The following TSC1 variants were observed in gnomAD, a reference collection of about 807,000 sequenced individuals.
TSC1 encodes hamartin.
TSC1 carries 20 observed loss-of-function variants against 124.3 expected under a neutral mutation model. The ratio of observed to expected loss-of-function variants is 0.16; its 90% confidence interval spans 0.11 to 0.23. The LOEUF is 0.23. Ranked by LOEUF, TSC1 falls within the 10% of genes least tolerant of loss-of-function variation. The pLI, the probability that TSC1 is intolerant of heterozygous loss-of-function variation, is 1.00. For missense variants in TSC1, 1,124 were observed against 1,448.5 expected (o/e 0.78, Z 3.64); for synonymous variants, 493 against 539.1 (o/e 0.91, Z 1.19).
chr9:132,900,698 C>T lies in TSC1; in HGVS notation c.2625+17G>A, dbSNP rs1207319302. On this transcript the variant is annotated intron_variant, in intron 20 of 22. Transcript: ENST00000298552. ...ACGCTTTCCCCACTAAGGTCTGGCT[C>T]CCGAGCCCTGGCATACCTTTGTGGT... The T allele has an allele frequency of 2.5e-6, 4 of 1,613,762 alleles. No homozygotes were observed. The Admixed American group carries it at 5.0e-5, about 20-fold the overall frequency.
chr9:132,935,209 C>A (rs113496815), intron 1 of TSC1, 114 bp from the exon 2 acceptor site: 2 of 396,246 alleles, frequency 5.0e-6, no homozygotes, highest in East Asian at 3.6e-5. Flanking sequence ...AGGTGGCCAC[C>A]ACGTTTCCAC....
rs1846029905 is a variant in TSC1 at position 132,912,582 on chromosome 9, C to G, written c.738-125G>C. ...AAGAACAAGCGGGACCATGCCAGCC[C>G]AAGTCTGAAACAATTCTAGTACATA... is the stretch of plus-strand genomic sequence containing the variant. On this transcript the variant is annotated intron_variant, in intron 8 of 22. Coordinates refer to ENST00000298552, the MANE Select transcript of TSC1 (RefSeq NM_000368.5). The G allele has an allele frequency of 5.6e-6, 6 of 1,069,164 alleles. No individual in the cohort carries two copies. In the Admixed American group the frequency reaches 1.2e-4, roughly 21 times the overall value. The allele number at this position is 1,069,164 out of a possible 1,614,324, so 66.2% of individuals were successfully genotyped here.
At chr9:132,925,980 C>T (rs2132246314) in intron 4 of TSC1, 1 of 534,538 alleles carries the variant, frequency 1.9e-6, no homozygotes. Flanking sequence ...ACAATACACG[C>T]ATGCAGAAAG....
intron 1 of TSC1, among the ~76,000 whole-genome samples, chr9:132,937,897 G>T (rs1237930600): frequency 2.0e-5 from 3 of 151,948 alleles, no homozygotes; most frequent in African/African-American, 7.2e-5. Flanking sequence ...GTATTTTTTT[G>T]TAGAGACAGG....
rs1845656247 is a variant in TSC1, at chr9:132,906,097, G to A, written c.1481C>T (p.Ala494Val). 1 of 1,613,696 alleles carries A rather than the reference G, an allele frequency of 6.2e-7. No individual in the cohort carries two copies. The highest frequency in any genetic ancestry group is 1.7e-5 in the Admixed American group (1 of 59,986). The change falls in exon 15 of 23, where the codon GCA (alanine) becomes GTA (valine). Residue 494 changes from alanine (A) to valine (V), a missense_variant. By Grantham distance (64) the Ala-to-Val change is moderately conservative. This residue lies in a region of TSC1 where 9 missense variants were observed against 34.2 expected (regional missense o/e 0.26). Coordinates refer to ENST00000298552, the MANE Select transcript of TSC1 (RefSeq NM_000368.5). This position sits in a 1 kb window ranked among gnomAD's most constrained non-coding sequence, Gnocchi z 4.1. ...GCCTCCTCGAGGAACCACAGGCTCT[G>A]CCTCTGCTGTGGTGATCTCAGAAAG... ...RELSEITTAE[A>V]EPVVPRGGFD... is the part of the protein sequence containing the mutation.
intron 1 of TSC1, among the ~76,000 whole-genome samples, chr9:132,940,556 G>A (rs1054114820): frequency 2.6e-5 from 4 of 152,196 alleles, no homozygotes; most frequent in African/African-American, 9.7e-5. Context: ...CACAGTGGAA[G>A]ACTAAATGTT....
intron 1 of TSC1, among the ~76,000 whole-genome samples, chr9:132,935,822 A>C (rs981732486): frequency 6.6e-5 from 10 of 152,116 alleles, no homozygotes; most frequent in African/African-American, 2.2e-4. Flanking sequence ...CATCCTTAAA[A>C]TCTCAGCTTA....
At chr9:132,939,030 A>C (rs941774435) in intron 1 of TSC1, 1 of 152,180 alleles carries the variant, frequency 6.6e-6, no homozygotes, top group Non-Finnish European at 1.5e-5. Context: ...CCTATATTCA[A>C]TTTTTTATCC....
intron 1 of TSC1, among the ~76,000 whole-genome samples, chr9:132,937,545 C>T (rs1274717320): frequency 6.6e-6 from 1 of 152,144 alleles, no homozygotes; most frequent in Admixed American, 6.5e-5. Context: ...CTTCCTCTTG[C>T]GACTAATCCC....
chr9:132,893,385 T>C lies in TSC1; in HGVS notation c.*2850A>G, dbSNP rs1247046310. The C allele has an allele frequency of 2.1e-5, 5 of 233,184 alleles. No individual in the cohort carries two copies. The highest frequency in any genetic ancestry group is 1.7e-4 in the Admixed American group (3 of 17,782). 14.4% of individuals were successfully genotyped at this position (233,184 alleles called of 1,614,324 possible). ...CCACGTGTTTCTTCCAATCCCATAA[T>C]AACAATTTTTATAGACTGTATAGCA... On this transcript the variant is annotated 3_prime_UTR_variant, in exon 23 of 23. Transcript: ENST00000298552.
Position 132,922,839 on chromosome 9 carries a change from C to T in TSC1, c.508+509G>A, listed in dbSNP as rs913518709. Among the ~76,000 whole-genome samples the T allele has an allele frequency of 5.3e-5, 8 of 152,248 alleles. No individual in the cohort carries two copies. In the East Asian group the frequency reaches 1.4e-3, roughly 26 times the overall value. On this transcript the variant is annotated intron_variant, in intron 6 of 22. Transcript: ENST00000298552. ...TTTCACATGCTTACAGCTTCTGATCCCTTTGATAGAGCTCTGCTACCTGCC... is the reference window on the plus strand; with the variant it reads ...TTTCACATGCTTACAGCTTCTGATCTCTTTGATAGAGCTCTGCTACCTGCC...
intron 8 of TSC1, among the ~76,000 whole-genome samples, chr9:132,917,943 T>C (rs568854481): frequency 1.3e-5 from 2 of 152,230 alleles, no homozygotes; most frequent in Non-Finnish European, 2.9e-5. Context: ...GGTTTTGTTC[T>C]AGCTCTCTTT....
At position 132,944,572 on chromosome 9, in the gene TSC1, C is replaced by G; in HGVS notation, c.-173G>C. On this transcript the variant is annotated 5_prime_UTR_variant, in exon 1 of 23. Transcript: ENST00000298552. ...CGTCTCCTCCCCCTCAGCTGTTTAC[C>G]TCACAGTCCCTCCAGCCTACAGGGC... The G allele has an allele frequency of 5.0e-6, 2 of 398,912 alleles. No homozygotes were observed. Among genetic ancestry groups the G allele is most frequent in the Non-Finnish European group, 8.8e-6 (2 of 226,304 alleles). 24.7% of individuals were successfully genotyped at this position (398,912 alleles called of 1,614,324 possible).
chr9:132,903,673 A>T lies in TSC1; in HGVS notation c.2186T>A (p.Leu729Gln), dbSNP rs2131758160. The change falls in exon 17 of 23, where the codon CTG becomes CAG. Residue 729 changes from leucine to glutamine, a missense_variant. This residue lies in a region of TSC1 where 321 missense variants were observed against 397.4 expected (regional missense o/e 0.81). Transcript: ENST00000298552. This position sits in a 1 kb window ranked among gnomAD's most constrained non-coding sequence, Gnocchi z 5.9. ...CACCATGGCAGCATTATGTTCCTCCAGAGCTGCTGCTTTGATCACCTTGCG... is the reference window on the plus strand; with the variant it reads ...CACCATGGCAGCATTATGTTCCTCCTGAGCTGCTGCTTTGATCACCTTGCG... ...LLRKVIKAAALEEHNAAMKDQ... is the reference protein window; with the variant it reads ...LLRKVIKAAAQEEHNAAMKDQ... 1 of 1,612,530 alleles carries T rather than the reference A, an allele frequency of 6.2e-7. No homozygotes were observed. The highest frequency in any genetic ancestry group is 1.3e-5 in the African/African-American group (1 of 75,004).
At chr9:132,897,838 T>C (rs1350730699) in intron 20 of TSC1, among the ~76,000 whole-genome samples, 1 of 152,154 alleles carries the variant, frequency 6.6e-6, no homozygotes, top group Non-Finnish European at 1.5e-5. Flanking sequence ...AATAGAGATT[T>C]TGCACAAAAA....
chr9:132,931,406 A>G (rs990179969), intron 2 of TSC1: 6 of 152,042 alleles, frequency 3.9e-5, no homozygotes, highest in Non-Finnish European at 7.4e-5. Flanking sequence ...TTGTTTTTCC[A>G]TTTGCAAAGT....
chr9:132,927,297 G>C lies in TSC1; in HGVS notation c.114C>G (p.Gly38=), dbSNP rs776158461. 4.3e-6 allele frequency: 7 copies of C among 1,613,506 alleles called. No individual in the cohort carries two copies. The African/African-American group carries it at 9.3e-5, about 22-fold the overall frequency. ...CCACCAAGGTGTTTACAAGCATAGG[G>C]CCACGGTCTAAATCAAGAAAAGGGC... ...VFKENLNSDR[G]PMLVNTLVDY... The change falls in exon 4 of 23, where the codon GGC becomes GGG. Residue 38 remains glycine, a synonymous_variant. Coordinates refer to ENST00000298552, the MANE Select transcript of TSC1 (RefSeq NM_000368.5).
Position 132,921,230 on chromosome 9 carries a change from A to G in TSC1, c.737+133T>C. 1.1e-6 allele frequency: 1 copy of G among 910,048 alleles called. No homozygotes were observed. Among genetic ancestry groups the G allele is most frequent in the Non-Finnish European group, 1.8e-6 (1 of 568,190 alleles). The allele number at this position is 910,048 out of a possible 1,614,324, so 56.4% of individuals were successfully genotyped here. On this transcript the variant is annotated intron_variant, in intron 8 of 22. Coordinates refer to ENST00000298552, the MANE Select transcript of TSC1 (RefSeq NM_000368.5). The surrounding 1 kb of genome is among the most constrained non-coding windows in gnomAD (Gnocchi z 4.3). ...AACTCACACAAATTTTAGCTGTATG[A>G]GTGCTTCCAAGTGGACTGATTCTGT... is the stretch of plus-strand genomic sequence containing the variant.
intron 1 of TSC1, 26 bp from the exon 2 acceptor site, chr9:132,935,121 T>C (rs1202149941): frequency 5.0e-6 from 2 of 398,908 alleles, no homozygotes; most frequent in Admixed American, 4.4e-5. Flanking sequence ...ATATGTACAA[T>C]GAAGCAAAAT....
Sources: gnomAD v4.1 joint callset for allele counts (sites outside exome capture counted in the v4.1 genomes callset) on GRCh38, gnomAD v4.1.1 for gene constraint, gnomAD v4.1.1 regional missense constraint, Gnocchi (gnomAD v3.1) non-coding constraint, MANE v1.5 for transcripts, NCBI Gene and HGNC (gene_info 2026-07-23, HGNC 2026-07-21) for gene names.